Variants in PRELID2 observed in about 807,000 individuals in gnomAD.
PRELID2 encodes the protein PRELI domain-containing protein 2.
A neutral mutation model predicts 28.4 loss-of-function variants in PRELID2; 25 were observed. The observed-to-expected ratio is 0.88, with a 90% CI of 0.64 to 1.23. PRELID2 has a LOEUF of 1.23. Among genes scored for constraint, PRELID2 ranks in the 50% most tolerant of loss-of-function variants. The pLI is 0.00. For missense variants in PRELID2, 201 were observed against 214.4 expected (o/e 0.94, Z 0.39); for synonymous variants, 76 against 71.6 (o/e 1.06, Z -0.31).
the PRELID2 span, among the ~76,000 whole-genome samples, chr5:145,396,509 A>T: frequency 1.3e-5 from 2 of 150,950 alleles, no homozygotes; most frequent in South Asian, 4.2e-4. Context: ...AAAAAAAGTG[A>T]CAGAGAGACA....
chr5:145,419,896 T>A, the PRELID2 span, among the ~76,000 whole-genome samples: 1 of 151,926 alleles, frequency 6.6e-6, no homozygotes, highest in African/African-American at 2.4e-5. Flanking sequence ...CCATCTTGAA[T>A]TGATTTTTGT....
the PRELID2 span, among the ~76,000 whole-genome samples, chr5:145,316,167 T>A: frequency 6.6e-6 from 1 of 152,228 alleles, no homozygotes; most frequent in East Asian, 1.9e-4. Context: ...ATATTGCTGT[T>A]GGTTTCTTGG....
At chr5:145,612,981 C>A (rs1322340307) in intron 1 of PRELID2, among the ~76,000 whole-genome samples, 1 of 152,162 alleles carries the variant, frequency 6.6e-6, no homozygotes, top group Non-Finnish European at 1.5e-5. Flanking sequence ...AGTGGGATTG[C>A]TGGATCAATC....
At chr5:145,302,965 T>C in the PRELID2 span, among the ~76,000 whole-genome samples, 10 of 152,150 alleles carry the variant, frequency 6.6e-5, no homozygotes, top group Admixed American at 6.5e-4. Flanking sequence ...ATAACACATA[T>C]CTCCTCTACC....
chr5:145,449,631 G>T, the PRELID2 span, among the ~76,000 whole-genome samples: 2 of 152,038 alleles, frequency 1.3e-5, no homozygotes, highest in African/African-American at 4.8e-5. Context: ...CAGCCTTGAG[G>T]CTGGGACCTT....
At chr5:145,334,795 A>T in the PRELID2 span, among the ~76,000 whole-genome samples, 1 of 145,082 alleles carries the variant, frequency 6.9e-6, no homozygotes. Context: ...TTTTCACCAC[A>T]TTGGATATAG....
At chr5:145,734,616 T>C (rs140795017) in intron 1 of PRELID2, among the ~76,000 whole-genome samples, 58 of 152,252 alleles carry the variant, frequency 3.8e-4, no homozygotes, top group Middle Eastern at 3.4e-3. Flanking sequence ...AAAATTGAGA[T>C]TACTCACTAA....
the PRELID2 span, among the ~76,000 whole-genome samples, chr5:145,394,768 G>T: frequency 6.6e-6 from 1 of 152,050 alleles, no homozygotes; most frequent in Non-Finnish European, 1.5e-5. Context: ...AGAAAAGTGT[G>T]GTGGTTAGGA....
chr5:145,531,510 G>A (rs776637032), intron 1 of PRELID2, among the ~76,000 whole-genome samples: 9 of 152,128 alleles, frequency 5.9e-5, no homozygotes, highest in South Asian at 4.1e-4. Flanking sequence ...AGTGGCCATC[G>A]TCTCACCCTT....
chr5:145,783,451 G>A (rs1203471339), intron 5 of PRELID2, among the ~76,000 whole-genome samples: 20 of 152,218 alleles, frequency 1.3e-4, no homozygotes, highest in Non-Finnish European at 2.8e-4. Flanking sequence ...CAGGGCTGAT[G>A]GGGAAGGAGA....
the PRELID2 span, among the ~76,000 whole-genome samples, chr5:145,393,715 A>G: frequency 6.6e-6 from 1 of 152,208 alleles, no homozygotes; most frequent in Non-Finnish European, 1.5e-5. Context: ...CAAACTATTT[A>G]CACATCAAGT....
intron 1 of PRELID2, among the ~76,000 whole-genome samples, chr5:145,825,175 G>A (rs1433682270): frequency 2.3e-5 from 3 of 128,512 alleles, no homozygotes; most frequent in Non-Finnish European, 4.7e-5. Context: ...GCAGTGAGCC[G>A]AGATCATGCC....
At chr5:145,732,407 C>T (rs1756371126) in intron 1 of PRELID2, among the ~76,000 whole-genome samples, 1 of 152,204 alleles carries the variant, frequency 6.6e-6, no homozygotes, top group Admixed American at 6.5e-5. Context: ...ATCACTAGCA[C>T]AGTGTTGTCC....
intron 4 of PRELID2, among the ~76,000 whole-genome samples, chr5:145,803,515 A>G (rs1753283476): frequency 6.6e-6 from 1 of 152,014 alleles, no homozygotes; most frequent in South Asian, 2.1e-4. Flanking sequence ...TTGCCTACCC[A>G]CCCACGTAGT....
the PRELID2 span, among the ~76,000 whole-genome samples, chr5:145,434,291 A>C: frequency 6.6e-6 from 1 of 152,180 alleles, no homozygotes; most frequent in African/African-American, 2.4e-5. Context: ...GTTTGAGCAA[A>C]CATCCTCATT....
intron 5 of PRELID2, among the ~76,000 whole-genome samples, chr5:145,770,958 T>C (rs1758065955): frequency 6.6e-6 from 1 of 152,198 alleles, no homozygotes; most frequent in Admixed American, 6.5e-5. Context: ...TGTTTATAAA[T>C]GTAGTGTAGC....
chr5:145,408,395 T>TTATATATATATA, the PRELID2 span, among the ~76,000 whole-genome samples: 2 of 129,274 alleles, frequency 1.5e-5, no homozygotes, highest in African/African-American at 5.3e-5. Context: ...TTAAAGAAAT[T>TTATATATATATA]TATATATATA....
At chr5:145,659,587 G>A (rs1432844414) in intron 1 of PRELID2, among the ~76,000 whole-genome samples, 2 of 152,174 alleles carry the variant, frequency 1.3e-5, no homozygotes, top group African/African-American at 2.4e-5. Context: ...ATGGGATGTG[G>A]GGAAGGCATG....
chr5:145,337,696 T>TAG, the PRELID2 span, among the ~76,000 whole-genome samples: 10 of 19,996 alleles, frequency 5.0e-4, no homozygotes, highest in African/African-American at 2.5e-3. Context: ...AATATATATA[T>TAG]ATATATATAT....
Sources: gnomAD v4.1 joint callset for allele counts (sites outside exome capture counted in the v4.1 genomes callset) on GRCh38, gnomAD v4.1.1 for gene constraint, MANE v1.5 for transcripts, NCBI Gene and HGNC (gene_info 2026-07-23, HGNC 2026-07-21) for gene names.